The following PTCD3 variants were observed in gnomAD, a reference collection of about 807,000 sequenced individuals.
PTCD3 encodes the protein pentatricopeptide repeat domain 3.
A neutral mutation model predicts 101.9 loss-of-function variants in PTCD3; 89 were observed. The ratio of observed to expected loss-of-function variants is 0.87; its 90% CI spans 0.74 to 1.04. The LOEUF (loss-of-function observed/expected upper bound fraction) is 1.04, where lower values mean the gene tolerates loss of function less well. PTCD3 is among the 50% of genes least tolerant of loss of function. PTCD3 has a pLI of 0.00. For missense variants in PTCD3, 870 were observed against 828.2 expected, an observed-to-expected ratio of 1.05 and a Z score of -0.62; for synonymous variants, 296 against 278.5, an observed-to-expected ratio of 1.06 and a Z score of -0.63.
In PTCD3 at chr2:86,127,272, C is replaced by G; in HGVS notation, c.1063C>G (p.Gln355Glu). 6.2e-7 allele frequency: 1 copy of G among 1,614,116 alleles called. No individual in the cohort carries two copies. Among genetic ancestry groups the G allele is most frequent in the South Asian group, 1.1e-5 (1 of 91,072 alleles). Residue 355 changes from glutamine (Q) to glutamate (E), a missense_variant, in exon 13 of 24, where the codon CAG becomes GAG. Coordinates refer to ENST00000254630, the MANE Select transcript of PTCD3 (RefSeq NM_017952.6). ...FHVFARSPAL[Q>E]VLREMKAIGI... ...TGTGTTTGCAAGATCGCCAGCCTTA[C>G]AGGTTTTACGTGAAATGAAAGCCAT...
chr2:86,107,332 T>A, intron 1 of PTCD3: 1 of 407,920 alleles, frequency 2.5e-6, no homozygotes, highest in South Asian at 1.8e-5. Context: ...CTTGAAAGAG[T>A]TGATCTCAGA....
Position 86,116,538 on chromosome 2 carries a change from A to T in PTCD3, c.249A>T (p.Thr83=), listed in dbSNP as rs1274653060. The change falls in exon 5 of 24, where the codon ACA becomes ACT. Residue 83 remains threonine (T), a synonymous_variant. Transcript: ENST00000254630. ...TTATGTCTTTTCCACAGGATACCAC[A>T]GCTGTGCCTTATGTGTTTCAAGATG... ...ALASTVNRDT[T]AVPYVFQDDP... 5 of 1,608,562 alleles carry T rather than the reference A, an allele frequency of 3.1e-6. No homozygotes were observed. The highest frequency in any genetic ancestry group is 4.3e-6 in the Non-Finnish European group (5 of 1,175,092).
At position 86,136,996 on chromosome 2, in the gene PTCD3, A is replaced by C; in HGVS notation, c.1835A>C (p.Asn612Thr). 6.2e-7 allele frequency: 1 copy of C among 1,613,534 alleles called. No homozygotes were observed. Among genetic ancestry groups the C allele is most frequent in the Non-Finnish European group, 8.5e-7 (1 of 1,179,940 alleles). Residue 612 changes from asparagine (N) to threonine (T), a missense_variant, in exon 23 of 24, where the codon AAT becomes ACT. Transcript: ENST00000254630. ...TTCTTTTACAGAAGTGAGTTGCTGA[A>C]TGAGCTTATGGACAGTGCAAAAGTG... ...HNKIPRSELLNELMDSAKVSN... is the reference protein window; with the variant it reads ...HNKIPRSELLTELMDSAKVSN...
intron 4 of PTCD3, 95 bp downstream of exon 4, chr2:86,111,253 C>T (rs979409221): frequency 9.0e-7 from 1 of 1,113,264 alleles, no homozygotes; most frequent in Non-Finnish European, 1.3e-6. Flanking sequence ...CATACCTCGT[C>T]ATTACTCAGA....
At position 86,111,147 on chromosome 2, in the gene PTCD3, A is replaced by G. The variant is rs768065846; in HGVS notation, c.229A>G (p.Thr77Ala). 2.5e-6 allele frequency: 4 copies of G among 1,613,392 alleles called. No homozygotes were observed. The highest frequency in any genetic ancestry group is 2.2e-5 in the South Asian group (2 of 91,062). The change falls in exon 4 of 24, where the codon ACA becomes GCA. Residue 77 changes from threonine to alanine, a missense_variant. Physicochemically the swap from Thr to Ala is moderately conservative, Grantham distance 58 (BLOSUM62 0). Transcript: ENST00000254630. ...AGCCGTTCTTCAGGCACTTGCATCC[A>G]CAGTAAACAGGGTAAGTAGGATTTT... ...KVAVLQALAS[T>A]VNRDTTAVPY...
In PTCD3 at chr2:86,125,810, T is replaced by G; in HGVS notation, c.881T>G (p.Phe294Cys). Residue 294 changes from phenylalanine to cysteine, a missense_variant, in exon 12 of 24, where the codon TTT becomes TGT. Phe to Cys is a radical substitution (Grantham distance 205). Coordinates refer to ENST00000254630, the MANE Select transcript of PTCD3 (RefSeq NM_017952.6). ...NNRLHADVYT[F>C]NALIEATVCA... ...TATTTTACAGCTGATGTATACACAT[T>G]TAATGCATTGATTGAAGCAACAGTA... 6.2e-7 allele frequency: 1 copy of G among 1,606,802 alleles called. No individual in the cohort carries two copies. Among genetic ancestry groups the G allele is most frequent in the South Asian group, 1.1e-5 (1 of 90,682 alleles).
At position 86,106,320 on chromosome 2, in the gene PTCD3, G is replaced by A. The variant is rs1394001413; in HGVS notation, c.73G>A (p.Ala25Thr). Residue 25 changes from alanine (A) to threonine (T), a missense_variant, in exon 1 of 24, where the codon GCG (alanine) becomes ACG (threonine). Physicochemically the swap from Ala to Thr is moderately conservative, Grantham distance 58 (BLOSUM62 0). Coordinates refer to ENST00000254630, the MANE Select transcript of PTCD3 (RefSeq NM_017952.6). ...RLGQPLTGRR[A>T]GLCEQARSCR... The stretch of plus-strand genomic sequence containing the variant: ...TGGCCAGCCGCTGACGGGTCGGCGG[G>A]CGGGTTTGTGTGAACAGGCACGCAG... 2 of 1,614,102 alleles carry A rather than the reference G, an allele frequency of 1.2e-6. No individual in the cohort carries two copies. Among genetic ancestry groups the A allele is most frequent in the Non-Finnish European group, 1.7e-6 (2 of 1,180,018 alleles).
chr2:86,136,112 A>T, intron 21 of PTCD3: 1 of 487,904 alleles, frequency 2.0e-6, no homozygotes, highest in Non-Finnish European at 4.0e-6. Flanking sequence ...CACAGGATGG[A>T]TTCCCTCCTT....
Position 86,127,935 on chromosome 2 carries a change from T to C in PTCD3, c.1097-6T>C. ...TTTATTTTTTCTGTCTACCTGGTAA[T>C]TTGAGAACCCTCGCTTGCAACATAT... On this transcript the variant is annotated splice_region_variant and splice_polypyrimidine_tract_variant and intron_variant, in intron 13 of 23. Transcript: ENST00000254630. 1 of 1,607,046 alleles carries C rather than the reference T, an allele frequency of 6.2e-7. No homozygotes were observed. The highest frequency in any genetic ancestry group is 8.5e-7 in the Non-Finnish European group (1 of 1,173,640).
At chr2:86,126,001 G>A (rs1003794670) in intron 12 of PTCD3, 121 bp downstream of exon 12, 19 of 611,380 alleles carry the variant, frequency 3.1e-5, no homozygotes, top group Middle Eastern at 4.7e-4. Context: ...AGGCCGAGGC[G>A]GGCAGATCAC....
In PTCD3 at chr2:86,121,555, T is replaced by C; in HGVS notation, c.615T>C (p.Thr205=). Residue 205 remains threonine, a synonymous_variant, in exon 8 of 24, where the codon ACT becomes ACC. Coordinates refer to ENST00000254630, the MANE Select transcript of PTCD3 (RefSeq NM_017952.6). The part of the protein sequence containing the change: ...LCYYGDQEPS[T]DYHFQQTGQS... ...ACTATGGTGACCAGGAGCCCTCAAC[T>C]GATTACCATTTTCAACAAACTGGAC... 1 of 1,611,118 alleles carries C rather than the reference T, an allele frequency of 6.2e-7. No homozygotes were observed. Among genetic ancestry groups the C allele is most frequent in the Non-Finnish European group, 8.5e-7 (1 of 1,178,678 alleles).
At chr2:86,127,623 G>A (rs1219204623) in intron 13 of PTCD3, 2 of 472,074 alleles carry the variant, frequency 4.2e-6, no homozygotes, top group African/African-American at 3.9e-5. Context: ...GTGTGTGCTA[G>A]TGTATTGTAT....
intron 1 of PTCD3, 129 bp downstream of exon 1, chr2:86,106,480 T>C: frequency 2.3e-6 from 2 of 864,382 alleles, no homozygotes; most frequent in Admixed American, 2.7e-5. Flanking sequence ...TCGCGTGCCC[T>C]TAAGACCAGG....
chr2:86,119,360 CTTT>C (rs70953987), intron 7 of PTCD3, among the ~76,000 whole-genome samples: 11 of 141,246 alleles, frequency 7.8e-5, no homozygotes, highest in Non-Finnish European at 1.2e-4. Context: ...TACCCTTTTC[CTTT>C]TTTTTTTTTT....
Position 86,127,783 on chromosome 2 carries a change from A to T in PTCD3, c.1097-158A>T, listed in dbSNP as rs571680842. 56 of 637,060 alleles carry T rather than the reference A, an allele frequency of 8.8e-5. 1 individual carries two copies. The South Asian group carries it at 1.1e-3, about 13-fold the overall frequency. 39.5% of individuals were successfully genotyped at this position (637,060 alleles called of 1,614,324 possible). A position where few individuals can be genotyped will look rare whatever the true frequency, so the allele number is the denominator to read the frequency against. ...GTGATAGTTTTTTACCTTTACATTA[A>T]TGAGTTGGAAAATAACTTTGTTCAA... On this transcript the variant is annotated intron_variant, in intron 13 of 23. Transcript: ENST00000254630.
intron 23 of PTCD3, 76 bp from the exon 24 acceptor site, chr2:86,137,393 G>T: frequency 6.3e-7 from 1 of 1,590,610 alleles, no homozygotes; most frequent in Non-Finnish European, 8.6e-7. Context: ...CAGGCTATAG[G>T]TGAGTGTCAG....
intron 4 of PTCD3, among the ~76,000 whole-genome samples, chr2:86,114,063 T>C (rs544145410): frequency 2.0e-5 from 3 of 152,224 alleles, no homozygotes; most frequent in Admixed American, 6.5e-5. Context: ...AAAGAAGTTA[T>C]AGAATTGTGT....
At chr2:86,115,866 G>A (rs894170205) in intron 4 of PTCD3, among the ~76,000 whole-genome samples, 1 of 152,154 alleles carries the variant, frequency 6.6e-6, no homozygotes, top group Admixed American at 6.5e-5. Flanking sequence ...ATTTGGAGGA[G>A]GGACTCTTGG....
intron 13 of PTCD3, chr2:86,127,676 A>G (rs1445159252): frequency 1.2e-5 from 6 of 489,774 alleles, no homozygotes; most frequent in East Asian, 7.1e-5. Flanking sequence ...TTGGGAATCA[A>G]TTCACTTCAA....
Sources: allele counts gnomAD v4.1 joint callset (sites outside exome capture counted in the v4.1 genomes callset), GRCh38; gene constraint gnomAD v4.1.1; transcripts MANE v1.5; gene names NCBI Gene and HGNC (gene_info 2026-07-23, HGNC 2026-07-21).